Variants in DLG2 observed in about 807,000 individuals in gnomAD.
DLG2 encodes the protein discs large MAGUK scaffold protein 2, also known as disks large homolog 2.
DLG2 carries 45 observed loss-of-function variants against 132.5 expected under a neutral mutation model. That is an observed-to-expected ratio of 0.34 (90% CI 0.27 to 0.44). The LOEUF (loss-of-function observed/expected upper bound fraction) is 0.44, where lower values mean the gene tolerates loss of function less well. DLG2 is among the 20% of genes least tolerant of loss of function. The pLI, the probability that DLG2 is intolerant of heterozygous loss-of-function variation, is 1.00. For missense variants in DLG2, 1,045 were observed against 1,196.9 expected, an observed-to-expected ratio of 0.87 and a Z score of 1.87; for synonymous variants, 424 against 419.6, an observed-to-expected ratio of 1.01 and a Z score of -0.13.
intron 6 of DLG2, among the ~76,000 whole-genome samples, chr11:84,560,226 C>A (rs2099422971): frequency 6.6e-6 from 1 of 152,072 alleles, no homozygotes; most frequent in Non-Finnish European, 1.5e-5. Context: ...CCAATGTTCT[C>A]AAATGAAGCA....
At chr11:83,495,617 C>T (rs566877091) in intron 21 of DLG2, among the ~76,000 whole-genome samples, 5 of 152,174 alleles carry the variant, frequency 3.3e-5, no homozygotes, top group Non-Finnish European at 7.4e-5. Context: ...TAGAAATTGT[C>T]GTACCCATTT....
At chr11:84,990,517 G>A (rs1040958567) in intron 6 of DLG2, among the ~76,000 whole-genome samples, 1 of 151,906 alleles carries the variant, frequency 6.6e-6, no homozygotes, top group African/African-American at 2.4e-5. Flanking sequence ...CCATGCTCTT[G>A]GAATTCCCAG....
chr11:83,817,959 A>G (rs1356291926), intron 17 of DLG2, among the ~76,000 whole-genome samples: 1 of 152,236 alleles, frequency 6.6e-6, no homozygotes, highest in African/African-American at 2.4e-5. Flanking sequence ...TTAATTGTTC[A>G]AAAACCCTTC....
chr11:83,591,006 A>G (rs2097178273), intron 19 of DLG2, among the ~76,000 whole-genome samples: 1 of 152,180 alleles, frequency 6.6e-6, no homozygotes, highest in Non-Finnish European at 1.5e-5. Context: ...TCAATAGTTT[A>G]CCAACCCAAA....
At chr11:83,962,234 A>G (rs1160018792) in intron 14 of DLG2, among the ~76,000 whole-genome samples, 2 of 152,112 alleles carry the variant, frequency 1.3e-5, no homozygotes, top group African/African-American at 4.8e-5. Context: ...TTGTGGAACA[A>G]TGTGTAAAAC....
At chr11:83,771,785 T>C (rs142848561) in intron 18 of DLG2, among the ~76,000 whole-genome samples, 181 of 152,358 alleles carry the variant, frequency 1.2e-3, no homozygotes, top group African/African-American at 4.1e-3. Flanking sequence ...CAATCATTTA[T>C]AAAATCAGTT....
intron 13 of DLG2, among the ~76,000 whole-genome samples, chr11:83,964,393 T>C (rs1313554514): frequency 6.6e-6 from 1 of 152,014 alleles, no homozygotes; most frequent in Non-Finnish European, 1.5e-5. Flanking sequence ...CAATAGCTAA[T>C]GCAATGGGCA....
intron 5 of DLG2, among the ~76,000 whole-genome samples, chr11:85,125,836 C>A (rs1472312214): frequency 1.4e-5 from 2 of 139,968 alleles, no homozygotes; most frequent in Non-Finnish European, 3.1e-5. Flanking sequence ...CACACACACA[C>A]ACACACACAA....
At chr11:84,018,870 A>G (rs2095301163) in intron 11 of DLG2, among the ~76,000 whole-genome samples, 1 of 152,092 alleles carries the variant, frequency 6.6e-6, no homozygotes, top group Non-Finnish European at 1.5e-5. Context: ...GGGCAAGACT[A>G]AAATAGTGTA....
At chr11:83,807,444 T>C (rs1389636527) in intron 17 of DLG2, among the ~76,000 whole-genome samples, 1 of 152,192 alleles carries the variant, frequency 6.6e-6, no homozygotes, top group African/African-American at 2.4e-5. Flanking sequence ...TTTCCATGGT[T>C]AGTTGCCAGA....
intron 16 of DLG2, among the ~76,000 whole-genome samples, chr11:83,834,511 G>T (rs1360443457): frequency 6.6e-6 from 1 of 152,062 alleles, no homozygotes; most frequent in African/African-American, 2.4e-5. Flanking sequence ...AGGAGAGAGA[G>T]CATCTAAGTA....
At chr11:84,595,840 A>C (rs141503006) in intron 6 of DLG2, among the ~76,000 whole-genome samples, 1 of 152,348 alleles carries the variant, frequency 6.6e-6, no homozygotes, top group Admixed American at 6.5e-5. Flanking sequence ...GTTTTAAAGC[A>C]GGAGGTATAA....
chr11:84,831,463 G>A (rs987263649), intron 6 of DLG2, among the ~76,000 whole-genome samples: 3 of 151,620 alleles, frequency 2.0e-5, no homozygotes, highest in African/African-American at 7.3e-5. Flanking sequence ...GTAAAGGAGA[G>A]TATAACAATT....
At chr11:84,345,232 G>A (rs949355957) in intron 7 of DLG2, among the ~76,000 whole-genome samples, 1 of 152,160 alleles carries the variant, frequency 6.6e-6, no homozygotes, top group African/African-American at 2.4e-5. Flanking sequence ...ATGCTGACCT[G>A]GGAAAATTAC....
At chr11:85,364,781 G>T (rs2084411783) in intron 3 of DLG2, among the ~76,000 whole-genome samples, 1 of 152,042 alleles carries the variant, frequency 6.6e-6, no homozygotes, top group South Asian at 2.1e-4. Flanking sequence ...CATAGAATGT[G>T]ATTTCAGATA....
chr11:85,392,917 C>T (rs977938214), intron 3 of DLG2, among the ~76,000 whole-genome samples: 1 of 152,030 alleles, frequency 6.6e-6, no homozygotes, highest in Admixed American at 6.6e-5. Context: ...TTGACTTAGG[C>T]AAAGACTTGA....
intron 2 of DLG2, among the ~76,000 whole-genome samples, chr11:85,622,171 G>T (rs549217332): frequency 6.6e-6 from 1 of 152,088 alleles, no homozygotes; most frequent in African/African-American, 2.4e-5. Context: ...CTTAAAGTAC[G>T]TACATTGTTT....
chr11:85,048,869 C>T (rs977088962), intron 6 of DLG2, among the ~76,000 whole-genome samples: 3 of 151,964 alleles, frequency 2.0e-5, no homozygotes, highest in Non-Finnish European at 4.4e-5. Context: ...AATCTGAGAA[C>T]ATGGAGAAAT....
At chr11:84,708,417 T>A (rs2060005031) in intron 6 of DLG2, among the ~76,000 whole-genome samples, 1 of 151,904 alleles carries the variant, frequency 6.6e-6, no homozygotes, top group African/African-American at 2.4e-5. Flanking sequence ...CCATTTTTAG[T>A]CTCTTAAACC....
Sources: gnomAD v4.1 joint callset for allele counts (sites outside exome capture counted in the v4.1 genomes callset) on GRCh38, gnomAD v4.1.1 for gene constraint, MANE v1.5 for transcripts, NCBI Gene and HGNC (gene_info 2026-07-23, HGNC 2026-07-21) for gene names.